The following NECAB1 variants were observed in gnomAD, a reference collection of about 807,000 sequenced individuals.
The protein encoded by NECAB1 is N-terminal EF-hand calcium binding protein 1.
NECAB1 carries 29 observed loss-of-function variants against 57.5 expected under a neutral mutation model. The observed-to-expected ratio is 0.50, with a 90% CI of 0.38 to 0.69. NECAB1 has a LOEUF of 0.69. NECAB1 is among the 30% of genes least tolerant of loss of function. NECAB1 has a pLI of 0.00. For missense variants in NECAB1, 372 were observed against 413.8 expected, an observed-to-expected ratio of 0.90 and a Z score of 0.88; for synonymous variants, 142 against 147.7, an observed-to-expected ratio of 0.96 and a Z score of 0.28.
At chr8:90,907,411 G>A (rs1280719640) in intron 5 of NECAB1, among the ~76,000 whole-genome samples, 1 of 152,158 alleles carries the variant, frequency 6.6e-6, no homozygotes, top group Non-Finnish European at 1.5e-5. Flanking sequence ...GAACATGTGT[G>A]AGAAATAGTG....
chr8:90,792,295 G>C (rs1350648510), intron 1 of NECAB1, among the ~76,000 whole-genome samples: 1 of 152,154 alleles, frequency 6.6e-6, no homozygotes, highest in East Asian at 1.9e-4. Flanking sequence ...TTTTAAAGAG[G>C]CACAAGGTGT....
At chr8:90,808,188 G>C (rs1454815783) in intron 2 of NECAB1, among the ~76,000 whole-genome samples, 1 of 152,026 alleles carries the variant, frequency 6.6e-6, no homozygotes, top group Non-Finnish European at 1.5e-5. Context: ...GGCTCCCAAG[G>C]GCTGTCAAAG....
chr8:90,822,650 C>G (rs550628154), intron 2 of NECAB1, among the ~76,000 whole-genome samples: 1 of 151,836 alleles, frequency 6.6e-6, no homozygotes, highest in East Asian at 1.9e-4. Context: ...ACTTACTTAT[C>G]ATAATTATAA....
intron 10 of NECAB1, among the ~76,000 whole-genome samples, chr8:90,941,447 C>T (rs751469330): frequency 9.9e-5 from 15 of 152,184 alleles, no homozygotes; most frequent in Non-Finnish European, 2.1e-4. Flanking sequence ...CCAGCTCAGG[C>T]TTCGGATATC....
At chr8:90,906,889 A>ATATATATATATATATATGTATG (rs1586111020) in intron 5 of NECAB1, among the ~76,000 whole-genome samples, 4 of 72,850 alleles carry the variant, frequency 5.5e-5, no homozygotes, top group East Asian at 1.1e-3. Flanking sequence ...ATATATATAT[A>ATATATATATATATATATGTATG]TATATATATA....
chr8:90,802,926 T>G (rs759565971), intron 2 of NECAB1, among the ~76,000 whole-genome samples: 4 of 152,180 alleles, frequency 2.6e-5, no homozygotes, highest in Non-Finnish European at 5.9e-5. Flanking sequence ...AGACAGAATC[T>G]CTCTCTGTCA....
At chr8:90,872,883 C>G (rs933264821) in intron 4 of NECAB1, among the ~76,000 whole-genome samples, 6 of 152,234 alleles carry the variant, frequency 3.9e-5, no homozygotes, top group East Asian at 1.9e-4. Context: ...CTAGGCTGCT[C>G]AAAACATTTT....
intron 3 of NECAB1, among the ~76,000 whole-genome samples, chr8:90,855,183 G>C (rs1812771624): frequency 6.6e-6 from 1 of 152,138 alleles, no homozygotes; most frequent in African/African-American, 2.4e-5. Flanking sequence ...TCCAGACAAA[G>C]CCAAGCCTGC....
intron 2 of NECAB1, among the ~76,000 whole-genome samples, chr8:90,804,538 C>T (rs1225484092): frequency 1.3e-5 from 2 of 151,510 alleles, no homozygotes; most frequent in Non-Finnish European, 2.9e-5. Context: ...ACCAAGAAAT[C>T]GCAAATATAT....
intron 3 of NECAB1, among the ~76,000 whole-genome samples, chr8:90,839,377 C>T (rs1412715129): frequency 6.6e-6 from 1 of 152,134 alleles, no homozygotes; most frequent in Non-Finnish European, 1.5e-5. Flanking sequence ...TTGCTATTCC[C>T]TTTCAATGAG....
intron 5 of NECAB1, among the ~76,000 whole-genome samples, chr8:90,906,905 A>ATGTATG (rs1563528374): frequency 1.5e-5 from 2 of 132,116 alleles, no homozygotes; most frequent in African/African-American, 3.1e-5. Flanking sequence ...ATATATATAT[A>ATGTATG]TATATCTTCT....
intron 1 of NECAB1, among the ~76,000 whole-genome samples, chr8:90,798,395 C>T (rs1811699608): frequency 6.6e-6 from 1 of 152,126 alleles, no homozygotes; most frequent in Non-Finnish European, 1.5e-5. Flanking sequence ...GATTCCATCA[C>T]CCAGGTAGTG....
At chr8:90,862,343 G>C (rs1277433894) in intron 3 of NECAB1, among the ~76,000 whole-genome samples, 1 of 152,084 alleles carries the variant, frequency 6.6e-6, no homozygotes, top group Non-Finnish European at 1.5e-5. Flanking sequence ...AAGTGGGAGG[G>C]AAACAGAAGT....
At chr8:90,942,467 C>G (rs550962747) in intron 10 of NECAB1, among the ~76,000 whole-genome samples, 1 of 152,148 alleles carries the variant, frequency 6.6e-6, no homozygotes, top group Non-Finnish European at 1.5e-5. Flanking sequence ...TTCTATTTCA[C>G]GCCAGACTCA....
intron 4 of NECAB1, among the ~76,000 whole-genome samples, chr8:90,875,231 C>T (rs1808694835): frequency 6.6e-6 from 1 of 151,878 alleles, no homozygotes; most frequent in Non-Finnish European, 1.5e-5. Context: ...CCTGTAATCC[C>T]AGCACTTTGG....
chr8:90,828,838 T>C (rs938153518), intron 3 of NECAB1, among the ~76,000 whole-genome samples: 1 of 152,016 alleles, frequency 6.6e-6, no homozygotes, highest in Admixed American at 6.6e-5. Flanking sequence ...CAAATATGTT[T>C]TTGTCATCAG....
intron 3 of NECAB1, among the ~76,000 whole-genome samples, chr8:90,834,485 A>G (rs930254739): frequency 6.6e-6 from 1 of 152,154 alleles, no homozygotes; most frequent in African/African-American, 2.4e-5. Flanking sequence ...CCTTCCACTT[A>G]TGTAAGGATA....
intron 3 of NECAB1, among the ~76,000 whole-genome samples, chr8:90,853,595 G>A (rs1035583794): frequency 6.6e-6 from 1 of 152,038 alleles, no homozygotes; most frequent in Admixed American, 6.5e-5. Flanking sequence ...TCCATTAGCA[G>A]CTCACTAATA....
intron 3 of NECAB1, among the ~76,000 whole-genome samples, chr8:90,862,355 T>G (rs988290243): frequency 2.6e-5 from 4 of 152,136 alleles, no homozygotes; most frequent in African/African-American, 9.6e-5. Flanking sequence ...AACAGAAGTT[T>G]CATTGGAGAT....
Sources: gnomAD v4.1 joint callset for allele counts (sites outside exome capture counted in the v4.1 genomes callset) on GRCh38, gnomAD v4.1.1 for gene constraint, MANE v1.5 for transcripts, NCBI Gene and HGNC (gene_info 2026-07-23, HGNC 2026-07-21) for gene names.